Variants in ANK1 observed in about 807,000 individuals in gnomAD.
ANK1 encodes the protein ankyrin 1, also known as ankyrin-1.
Under a neutral mutation model 210.4 loss-of-function variants are expected in ANK1, and 51 were observed. The ratio of observed to expected loss-of-function variants is 0.24; its 90% CI spans 0.19 to 0.31. ANK1 has a LOEUF of 0.31. Among genes scored for constraint, ANK1 ranks in the 10% least tolerant of loss-of-function variants. The pLI is 1.00. For missense variants in ANK1, 2,051 were observed against 2,504.4 expected (o/e 0.82, Z 3.86); for synonymous variants, 967 against 1,025.9 (o/e 0.94, Z 1.10).
At chr8:41,685,645 A>AT (rs11305585) in intron 36 of ANK1, among the ~76,000 whole-genome samples, 2 of 151,802 alleles carry the variant, frequency 1.3e-5, no homozygotes, top group South Asian at 2.1e-4. Context: ...TTTTTATGTT[A>AT]TTTTTTTTAG....
At chr8:41,839,869 T>C (rs962103748) in intron 1 of ANK1, among the ~76,000 whole-genome samples, 2 of 152,186 alleles carry the variant, frequency 1.3e-5, no homozygotes, top group Non-Finnish European at 2.9e-5. Context: ...GAATAATGTA[T>C]GGACGTCTAG....
At chr8:41,889,374 G>T (rs1038379363) in intron 1 of ANK1, among the ~76,000 whole-genome samples, 2 of 152,204 alleles carry the variant, frequency 1.3e-5, no homozygotes, top group Non-Finnish European at 2.9e-5. Flanking sequence ...CCTCATAAGT[G>T]CAGGCACCTC....
rs755620131 is a variant in ANK1 at position 41,719,770 on chromosome 8, T to C, written c.998A>G (p.Asp333Gly). 2.5e-6 allele frequency: 4 copies of C among 1,614,030 alleles called. No homozygotes were observed. The highest frequency in any genetic ancestry group is 3.4e-6 in the Non-Finnish European group (4 of 1,180,016). The change falls in exon 10 of 43, where the codon GAC (aspartate) becomes GGC (glycine). Residue 333 changes from aspartate to glycine, a missense_variant. Coordinates refer to ENST00000289734, the MANE Select transcript of ANK1 (RefSeq NM_000037.4). The stretch of plus-strand genomic sequence containing the variant: ...TGGGGTCAGGTGGTCCAGGGTGATG[T>C]CGTCTATCTCTGCGTCGTATTGCAA... ...LLLQYDAEID[D>G]ITLDHLTPLH...
intron 1 of ANK1, among the ~76,000 whole-genome samples, chr8:41,809,035 T>C (rs1258145643): frequency 1.3e-5 from 2 of 152,240 alleles, no homozygotes; most frequent in Non-Finnish European, 2.9e-5. Context: ...GCCCTGCAAG[T>C]CTTGTTCTTG....
At position 41,688,557 on chromosome 8, in the gene ANK1, C is replaced by T. The variant is rs1272863547; in HGVS notation, c.4137G>A (p.Pro1379=). The change falls in exon 34 of 43, where the codon CCG becomes CCA. Residue 1379 remains proline (P), a synonymous_variant. Transcript: ENST00000289734. The stretch of plus-strand genomic sequence containing the variant: ...TGCTGTATCGCAGGGCCAGGGGCGT[C>T]GGGGTCCTTCTCCTATCTTCGGCTC... The part of the protein sequence containing the change: ...GSGAEDRRRT[P]TPLALRYSIL... 8 of 1,614,038 alleles carry T rather than the reference C, an allele frequency of 5.0e-6. 1 individual carries two copies. In the South Asian group the frequency reaches 5.5e-5, roughly 11 times the overall value.
At chr8:41,761,436 G>T (rs1840434128) in intron 1 of ANK1, among the ~76,000 whole-genome samples, 1 of 152,166 alleles carries the variant, frequency 6.6e-6, no homozygotes, top group African/African-American at 2.4e-5. Flanking sequence ...ACTATGTGAA[G>T]ACAGAGCCAG....
intron 1 of ANK1, chr8:41,896,279 G>A: frequency 1.3e-6 from 2 of 1,495,302 alleles, no homozygotes; most frequent in Non-Finnish European, 1.8e-6. Context: ...CCGCGTCCCG[G>A]GCCGCCCGAC....
At chr8:41,737,701 A>G (rs1226179367) in intron 2 of ANK1, among the ~76,000 whole-genome samples, 4 of 152,210 alleles carry the variant, frequency 2.6e-5, no homozygotes, top group African/African-American at 7.2e-5. Flanking sequence ...CAAGTCTATT[A>G]CTGCGGGGAT....
intron 1 of ANK1, among the ~76,000 whole-genome samples, chr8:41,780,682 A>G (rs781318000): frequency 2.6e-5 from 4 of 152,228 alleles, no homozygotes; most frequent in Non-Finnish European, 5.9e-5. Flanking sequence ...ACATGTGTAC[A>G]CATGTGTGCA....
At chr8:41,695,127 A>T in intron 27 of ANK1, 50 bp downstream of exon 27, 1 of 1,610,100 alleles carries the variant, frequency 6.2e-7, no homozygotes, top group Non-Finnish European at 8.5e-7. Flanking sequence ...TGCAACTCAA[A>T]CCCCTCTTCC....
At position 41,696,678 on chromosome 8, in the gene ANK1, T is replaced by G. The variant is rs1821073108; in HGVS notation, c.2733A>C (p.Thr911=). ...NISPVASPVH[T]GFLVSFMVDA... Reference sequence around the variant, plus strand: ...CGAGCCCTGCGCCCGCCACTCACCCTGTATGCACCGGGCTGGCCACCGGGC... The same window carrying G: ...CGAGCCCTGCGCCCGCCACTCACCCGGTATGCACCGGGCTGGCCACCGGGC... Residue 911 remains threonine, a splice_region_variant and synonymous_variant, in exon 25 of 43, where the codon ACA becomes ACC. Coordinates refer to ENST00000289734, the MANE Select transcript of ANK1 (RefSeq NM_000037.4). 1.2e-6 allele frequency: 2 copies of G among 1,604,210 alleles called. No homozygotes were observed.
chr8:41,845,523 A>G (rs1392375530), intron 1 of ANK1, among the ~76,000 whole-genome samples: 1 of 152,080 alleles, frequency 6.6e-6, no homozygotes, highest in Non-Finnish European at 1.5e-5. Flanking sequence ...AAGGAGGCCA[A>G]TGGGACTGAC....
chr8:41,888,167 C>A (rs1818782334), intron 1 of ANK1, among the ~76,000 whole-genome samples: 1 of 152,182 alleles, frequency 6.6e-6, no homozygotes, highest in African/African-American at 2.4e-5. Context: ...GTGAGAGCCC[C>A]AGGAAGCCAC....
chr8:41,758,894 T>C (rs1839815545), intron 1 of ANK1, among the ~76,000 whole-genome samples: 2 of 151,976 alleles, frequency 1.3e-5, no homozygotes. Context: ...TTTGTTTCTA[T>C]TTGTCTGTTT....
chr8:41,805,488 C>A (rs1025653128), intron 1 of ANK1, among the ~76,000 whole-genome samples: 1 of 152,038 alleles, frequency 6.6e-6, no homozygotes, highest in Non-Finnish European at 1.5e-5. Context: ...CTCAAGCGAT[C>A]CTCCTGATTC....
At position 41,654,634 on chromosome 8, in the gene ANK1, C is replaced by G. The variant is rs1376662468; in HGVS notation, c.*1156G>C. ...TGAAAGACAGGCCACAGCTCCTTCT[C>G]CTGCAGCCGCAGAAGTCCTCAGGAG... On this transcript the variant is annotated 3_prime_UTR_variant, in exon 43 of 43. Transcript: ENST00000289734. The G allele has an allele frequency of 6.5e-6, 1 of 152,722 alleles. No individual in the cohort carries two copies. The highest frequency in any genetic ancestry group is 1.5e-5 in the Non-Finnish European group (1 of 68,076). The allele number at this position is 152,722 out of a possible 1,614,324, so 9.5% of individuals were successfully genotyped here.
At chr8:41,875,957 C>A (rs1480942903) in intron 1 of ANK1, among the ~76,000 whole-genome samples, 1 of 151,984 alleles carries the variant, frequency 6.6e-6, no homozygotes, top group Non-Finnish European at 1.5e-5. Context: ...CGCGCCCGGG[C>A]GCACACTCGC....
intron 31 of ANK1, 124 bp downstream of exon 31, chr8:41,692,524 A>G: frequency 1.0e-6 from 1 of 963,332 alleles, no homozygotes; most frequent in Non-Finnish European, 1.6e-6. Flanking sequence ...GGTCTCAAAG[A>G]CAGACAGCTG....
At chr8:41,745,730 G>A (rs898644762) in intron 2 of ANK1, among the ~76,000 whole-genome samples, 1 of 152,088 alleles carries the variant, frequency 6.6e-6, no homozygotes, top group African/African-American at 2.4e-5. Context: ...ATGGGGTCTT[G>A]CTATGTTGCC....
Sources: allele counts gnomAD v4.1 joint callset (sites outside exome capture counted in the v4.1 genomes callset), GRCh38; gene constraint gnomAD v4.1.1; transcripts MANE v1.5; gene names NCBI Gene and HGNC (gene_info 2026-07-23, HGNC 2026-07-21).